Variants in LMLN observed in about 807,000 individuals in gnomAD.
LMLN encodes the protein leishmanolysin like peptidase, also known as leishmanolysin-like peptidase.
LMLN carries 70 observed loss-of-function variants against 92.3 expected under a neutral mutation model. That is an observed-to-expected ratio of 0.76 (90% CI 0.63 to 0.92). The LOEUF (loss-of-function observed/expected upper bound fraction) is 0.92. LMLN is among the 40% of genes least tolerant of loss of function. The probability of loss-of-function intolerance (pLI) is 0.00; values close to 1 mark genes in which losing one functional copy is unlikely to be tolerated. For synonymous variants in LMLN, 308 were observed against 296.2 expected (o/e 1.04, Z -0.41); for missense variants, 691 against 814.6 (o/e 0.85, Z 1.85).
At chr3:197,994,278 A>G (rs1328373483) in intron 9 of LMLN, among the ~76,000 whole-genome samples, 2 of 152,234 alleles carry the variant, frequency 1.3e-5, no homozygotes, top group Non-Finnish European at 2.9e-5. Flanking sequence ...GGATTACATC[A>G]GACGCAGAAG....
rs1331948200 is a variant in LMLN at position 197,968,165 on chromosome 3, C to A, written c.220-6212C>A. ...GATTAAGAGATTAAAGTAAGACAGG[C>A]GTAAGAAGTTATAAGAGTACACTGG... On this transcript the variant is annotated intron_variant, in intron 1 of 15. Transcript: ENST00000330198. Among the ~76,000 whole-genome samples the A allele has an allele frequency of 3.3e-5, 5 of 152,178 alleles. No individual in the cohort carries two copies. The South Asian group carries it at 1.0e-3, about 32-fold the overall frequency.
At chr3:198,039,109 ATCAGCAAACCAACCACCTTCT>A (rs1403451636) in exon 16 of LMLN, 11 of 158,524 alleles carry the variant, frequency 6.9e-5, no homozygotes, top group Non-Finnish European at 1.1e-4. Context: ...AACCACCTTC[ATCAGCAAACCAACCACCTTCT>A]TCAGCAACCC....
intron 1 of LMLN, among the ~76,000 whole-genome samples, chr3:197,969,135 G>A (rs1451719024): frequency 1.3e-5 from 2 of 151,298 alleles, no homozygotes; most frequent in Non-Finnish European, 2.9e-5. Flanking sequence ...AGTTTGAAGT[G>A]CAATAGCACG....
intron 11 of LMLN, among the ~76,000 whole-genome samples, chr3:198,013,603 T>C (rs1331829887): frequency 7.8e-6 from 1 of 127,602 alleles, no homozygotes; most frequent in Non-Finnish European, 1.6e-5. Flanking sequence ...CTAGTCTGAC[T>C]TCTCTGTACC....
At chr3:198,017,271 C>T (rs555934312) in intron 11 of LMLN, among the ~76,000 whole-genome samples, 1 of 152,330 alleles carries the variant, frequency 6.6e-6, no homozygotes, top group South Asian at 2.1e-4. Flanking sequence ...CATCTTCTGA[C>T]ATCACAGACC....
chr3:197,991,484 G>A (rs1375264918), intron 9 of LMLN, among the ~76,000 whole-genome samples: 3 of 152,158 alleles, frequency 2.0e-5, no homozygotes, highest in Non-Finnish European at 2.9e-5. Context: ...AGGCCAGCAG[G>A]CTGGAGACTC....
chr3:197,961,524 A>T (rs545967073), intron 1 of LMLN, among the ~76,000 whole-genome samples: 3 of 152,136 alleles, frequency 2.0e-5, no homozygotes, highest in South Asian at 2.1e-4. Context: ...TGAATTCTTT[A>T]AAAAAAATTT....
Position 197,999,260 on chromosome 3 carries a change from T to G in LMLN, c.1156-6T>G, listed in dbSNP as rs1482173277. 6.2e-7 allele frequency: 1 copy of G among 1,610,360 alleles called. No individual in the cohort carries two copies. Among genetic ancestry groups the G allele is most frequent in the Non-Finnish European group, 8.5e-7 (1 of 1,176,618 alleles). Reference sequence around the variant, plus strand: ...AGTCTAATTAAACCCTGTTGGTGATTTTCAGAATGAAGCGATGACTGGTTC... The same window carrying G: ...AGTCTAATTAAACCCTGTTGGTGATGTTCAGAATGAAGCGATGACTGGTTC... On this transcript the variant is annotated splice_polypyrimidine_tract_variant and splice_region_variant and intron_variant, in intron 10 of 15. Coordinates refer to ENST00000330198, the Ensembl canonical transcript of LMLN.
At chr3:198,009,179 T>C (rs1306344535) in intron 11 of LMLN, among the ~76,000 whole-genome samples, 1 of 152,224 alleles carries the variant, frequency 6.6e-6, no homozygotes, top group Admixed American at 6.5e-5. Context: ...AACTCAACTG[T>C]GTCCTTACTG....
chr3:197,970,658 A>G (rs1443011781), intron 1 of LMLN, among the ~76,000 whole-genome samples: 1 of 152,204 alleles, frequency 6.6e-6, no homozygotes, highest in African/African-American at 2.4e-5. Context: ...TTCAACATAA[A>G]CCATATTGTT....
Position 198,031,070 on chromosome 3 carries a change from A to C in LMLN, c.1657-4763A>C, listed in dbSNP as rs1304678428. Among the ~76,000 whole-genome samples the C allele has an allele frequency of 6.6e-6, 1 of 152,222 alleles. No individual in the cohort carries two copies. Among genetic ancestry groups the C allele is most frequent in the Non-Finnish European group, 1.5e-5 (1 of 68,042 alleles). ...CCTCAGCTAGGCCTGAGAATGAAAT[A>C]GGCATAAGCCCGATGAACAGGAGGA... On this transcript the variant is annotated intron_variant, in intron 14 of 15. Transcript: ENST00000330198. The surrounding 1 kb of genome is among the most constrained non-coding windows in gnomAD (Gnocchi z 4.8).
Position 198,002,891 on chromosome 3 carries a change from C to T in LMLN, c.1232+3549C>T, listed in dbSNP as rs530136403. ...TGTGAGTGATCACTTACAGTGATGGCCTCTGGCCTCCAAAATCTTTCTTAA... is the reference window on the plus strand; with the variant it reads ...TGTGAGTGATCACTTACAGTGATGGTCTCTGGCCTCCAAAATCTTTCTTAA... On this transcript the variant is annotated intron_variant, in intron 11 of 15. Coordinates refer to ENST00000330198, the Ensembl canonical transcript of LMLN. The T allele has an allele frequency of 3.0e-4, 181 of 597,870 alleles. No individual in the cohort carries two copies. In the African/African-American group the frequency reaches 3.1e-3, roughly 10 times the overall value. 37.0% of individuals were successfully genotyped at this position (597,870 alleles called of 1,614,324 possible). A position where few individuals can be genotyped will look rare whatever the true frequency, so the allele number is the denominator to read the frequency against.
chr3:197,998,613 G>T (rs561961500), intron 10 of LMLN, among the ~76,000 whole-genome samples: 106 of 152,068 alleles, frequency 7.0e-4, no homozygotes, highest in African/African-American at 2.5e-3. Context: ...ATGGCCATCT[G>T]GTGTTCAATG....
At chr3:197,963,316 G>A (rs1305567089) in intron 1 of LMLN, among the ~76,000 whole-genome samples, 2 of 151,058 alleles carry the variant, frequency 1.3e-5, no homozygotes, top group Non-Finnish European at 2.9e-5. Context: ...TGATCCTTCT[G>A]CCTTAATCTC....
intron 8 of LMLN, 67 bp from the exon 9 acceptor site, chr3:197,990,491 TG>T: frequency 1.5e-6 from 1 of 679,510 alleles, no homozygotes; most frequent in Non-Finnish European, 2.5e-6. Context: ...TTACAGTAAA[TG>T]TAAATATTTT....
chr3:198,035,816 T>C lies in LMLN; in HGVS notation c.1657-17T>C. 1 of 1,584,138 alleles carries C rather than the reference T, an allele frequency of 6.3e-7. No individual in the cohort carries two copies. Among genetic ancestry groups the C allele is most frequent in the South Asian group, 1.1e-5 (1 of 89,666 alleles). ...ATATTTATTATTTTTATATATCTAT[T>C]TTTTTCCTGTTTGAAGGTTTCTTGT... On this transcript the variant is annotated splice_polypyrimidine_tract_variant and intron_variant, in intron 14 of 15. Transcript: ENST00000330198.
chr3:198,034,993 G>A (rs1723173006), intron 14 of LMLN, among the ~76,000 whole-genome samples: 1 of 152,002 alleles, frequency 6.6e-6, no homozygotes, highest in Admixed American at 6.5e-5. Flanking sequence ...CCGGGAGTTC[G>A]AGACCAGCCT....
chr3:197,960,306 T>A (rs1453599377), exon 1 of LMLN: 1 of 1,613,608 alleles, frequency 6.2e-7, no homozygotes, highest in Non-Finnish European at 8.5e-7. Context: ...CCGGAGCCGG[T>A]GGCGCTGGAG....
intron 11 of LMLN, among the ~76,000 whole-genome samples, chr3:198,005,705 GCT>G (rs1722275046): frequency 6.6e-6 from 1 of 150,390 alleles, no homozygotes. Flanking sequence ...CGCAGTCTCA[GCT>G]CACTGCAACC....
Sources: allele counts gnomAD v4.1 joint callset (sites outside exome capture counted in the v4.1 genomes callset), GRCh38; gene constraint gnomAD v4.1.1; non-coding constraint Gnocchi (gnomAD v3.1); transcripts MANE v1.5; gene names NCBI Gene and HGNC (gene_info 2026-07-23, HGNC 2026-07-21).